The following PADI3 variants were observed in gnomAD, a reference collection of about 807,000 sequenced individuals.
The protein encoded by PADI3 is protein-arginine deiminase type-3.
Under a neutral mutation model 71.5 loss-of-function variants are expected in PADI3, and 53 were observed. That is an observed-to-expected ratio of 0.74 (90% CI 0.59 to 0.93). The LOEUF is 0.93. Ranked by LOEUF, PADI3 falls within the 40% of genes least tolerant of loss-of-function variation. The pLI is 0.00. For missense variants in PADI3, 821 were observed against 868.0 expected (o/e 0.95, Z 0.68); for synonymous variants, 361 against 347.5 (o/e 1.04, Z -0.43).
At chr1:17,267,639 C>A (rs1445784291) in intron 5 of PADI3, among the ~76,000 whole-genome samples, 198 bp from the exon 6 acceptor site, 1 of 152,180 alleles carries the variant, frequency 6.6e-6, no homozygotes, top group Admixed American at 6.5e-5. Flanking sequence ...TTTCTCTGGG[C>A]AATTGAGGAA....
intron 2 of PADI3, among the ~76,000 whole-genome samples, chr1:17,261,222 G>A (rs1569887250): frequency 6.6e-6 from 1 of 152,262 alleles, no homozygotes; most frequent in African/African-American, 2.4e-5. Context: ...AAGGGAACTT[G>A]GATGCCTTGG....
At chr1:17,265,368 G>A (rs1384090080) in intron 3 of PADI3, among the ~76,000 whole-genome samples, 4 of 150,256 alleles carry the variant, frequency 2.7e-5, no homozygotes, top group African/African-American at 1.0e-4. Context: ...TGGAGACCTG[G>A]GCTCAGTTCA....
intron 9 of PADI3, among the ~76,000 whole-genome samples, chr1:17,271,874 A>G (rs12730111): frequency 2.3e-4 from 34 of 150,276 alleles, no homozygotes; most frequent in Non-Finnish European, 2.7e-4. Context: ...GAGAGAGAGA[A>G]AAAGAAATAT....
intron 1 of PADI3, among the ~76,000 whole-genome samples, chr1:17,254,907 G>A (rs188328550): frequency 6.6e-6 from 1 of 152,166 alleles, no homozygotes; most frequent in African/African-American, 2.4e-5. Flanking sequence ...GTGGAGACGT[G>A]GTTTCTCCAT....
intron 1 of PADI3, among the ~76,000 whole-genome samples, chr1:17,256,332 T>C (rs1404099036): frequency 1.3e-5 from 2 of 152,232 alleles, no homozygotes; most frequent in African/African-American, 4.8e-5. Context: ...CCAGAGAGAC[T>C]AAGTGATTTA....
At chr1:17,269,984 T>A (rs2073224118) in intron 6 of PADI3, among the ~76,000 whole-genome samples, 1 of 152,150 alleles carries the variant, frequency 6.6e-6, no homozygotes, top group Admixed American at 6.5e-5. Flanking sequence ...TAAACATTAC[T>A]TTGTTGGATG....
chr1:17,274,778 C>G lies in PADI3; in HGVS notation c.1299C>G (p.Asn433Lys). The change falls in exon 11 of 16, where the codon AAC becomes AAG. Residue 433 changes from asparagine (N) to lysine (K), a missense_variant. Transcript: ENST00000375460. ...YPLGRILIGG[N>K]LPGSSGRRVT... Reference sequence around the variant, plus strand: ...TGGGGAGGATCCTCATTGGGGGCAACCTGCCTGGGTGAGAGAGAGACAGGG... The same window carrying G: ...TGGGGAGGATCCTCATTGGGGGCAAGCTGCCTGGGTGAGAGAGAGACAGGG... 1 of 1,613,332 alleles carries G rather than the reference C, an allele frequency of 6.2e-7. No individual in the cohort carries two copies.
chr1:17,274,593 C>G, intron 10 of PADI3, 42 bp from the exon 11 acceptor site: 3 of 1,577,198 alleles, frequency 1.9e-6, no homozygotes, highest in Non-Finnish European at 2.6e-6. Flanking sequence ...CAGGCCCTTC[C>G]TGGTACCCTC....
rs770904054 is a variant in PADI3 at position 17,267,851 on chromosome 1, T to C, written c.541T>C (p.Ser181Pro). 5 of 1,613,930 alleles carry C rather than the reference T, an allele frequency of 3.1e-6. No individual in the cohort carries two copies. The highest frequency in any genetic ancestry group is 3.3e-5 in the Admixed American group (2 of 60,032). Residue 181 changes from serine (S) to proline (P), a missense_variant, in exon 6 of 16, where the codon TCT (serine) becomes CCT (proline). Transcript: ENST00000375460. Reference sequence around the variant, plus strand: ...TGGCTTCACAGACCTGGAAGACATGTCTGTCATGGTCCTGCGGACGCAGGG... The same window carrying C: ...TGGCTTCACAGACCTGGAAGACATGCCTGTCATGGTCCTGCGGACGCAGGG... ...VHCLQDLEDM[S>P]VMVLRTQGPA...
At chr1:17,262,267 A>C (rs2073112165) in intron 3 of PADI3, 62 bp downstream of exon 3, 4 of 1,235,210 alleles carry the variant, frequency 3.2e-6, no homozygotes, top group Non-Finnish European at 4.5e-6. Flanking sequence ...CAAGCAGTAC[A>C]AAAGAGTATA....
chr1:17,279,977 G>A (rs2073381208), intron 13 of PADI3, among the ~76,000 whole-genome samples: 1 of 152,220 alleles, frequency 6.6e-6, no homozygotes, highest in Non-Finnish European at 1.5e-5. Context: ...AAACCTGACT[G>A]ATGGTGGGTG....
chr1:17,251,410 C>T (rs1050671181), intron 1 of PADI3, among the ~76,000 whole-genome samples: 3 of 152,172 alleles, frequency 2.0e-5, no homozygotes, highest in Admixed American at 6.5e-5. Flanking sequence ...GCTCTCTGAC[C>T]GTGGGAAACT....
At chr1:17,258,332 A>C (rs954674631) in intron 1 of PADI3, among the ~76,000 whole-genome samples, 6 of 152,180 alleles carry the variant, frequency 3.9e-5, no homozygotes, top group Non-Finnish European at 8.8e-5. Flanking sequence ...TCAGCTCCCC[A>C]GCGGGATCAA....
At chr1:17,278,811 G>C (rs958624614) in intron 13 of PADI3, among the ~76,000 whole-genome samples, 10 of 152,068 alleles carry the variant, frequency 6.6e-5, no homozygotes. Flanking sequence ...ACAGCTCAGA[G>C]AGAAAAAAAG....
intron 1 of PADI3, among the ~76,000 whole-genome samples, chr1:17,258,389 G>A (rs2073054217): frequency 6.6e-6 from 1 of 152,256 alleles, no homozygotes; most frequent in African/African-American, 2.4e-5. Flanking sequence ...CAGTACCTGA[G>A]TGCACAGTGG....
chr1:17,267,511 G>C (rs770512814), intron 5 of PADI3, among the ~76,000 whole-genome samples: 4 of 152,200 alleles, frequency 2.6e-5, no homozygotes, highest in Non-Finnish European at 5.9e-5. Context: ...CACAGGGAGT[G>C]ATGCTGGGAT....
chr1:17,259,344 C>A (rs2100564102), intron 1 of PADI3, among the ~76,000 whole-genome samples: 1 of 152,300 alleles, frequency 6.6e-6, no homozygotes, highest in African/African-American at 2.4e-5. Context: ...AGTGATCCAT[C>A]CGCCTCGGCT....
intron 1 of PADI3, among the ~76,000 whole-genome samples, chr1:17,255,055 C>T (rs1386825523): frequency 2.6e-5 from 4 of 152,276 alleles, no homozygotes; most frequent in South Asian, 4.1e-4. Flanking sequence ...TACTCTAAGC[C>T]GTGATTCTCA....
At chr1:17,259,318 A>G (rs1569883649) in intron 1 of PADI3, among the ~76,000 whole-genome samples, 1 of 152,074 alleles carries the variant, frequency 6.6e-6, no homozygotes, top group Non-Finnish European at 1.5e-5. Flanking sequence ...TCGGCTTCCC[A>G]AAGTGCCTGA....
Sources: gnomAD v4.1 joint callset for allele counts (sites outside exome capture counted in the v4.1 genomes callset) on GRCh38, gnomAD v4.1.1 for gene constraint, MANE v1.5 for transcripts, NCBI Gene and HGNC (gene_info 2026-07-23, HGNC 2026-07-21) for gene names.